ANKRD45: variants seen among roughly 807,000 people sequenced by gnomAD.
The protein encoded by ANKRD45 is ankyrin repeat domain 45.
A neutral mutation model predicts 28.1 loss-of-function variants in ANKRD45; 21 were observed. The observed-to-expected ratio is 0.75, with a 90% CI of 0.53 to 1.08. The LOEUF (loss-of-function observed/expected upper bound fraction) is 1.08. ANKRD45 is among the 50% of genes least tolerant of loss of function. The probability of loss-of-function intolerance (pLI) is 0.00; values close to 1 mark genes in which losing one functional copy is unlikely to be tolerated. For missense variants in ANKRD45, 261 were observed against 308.7 expected, an observed-to-expected ratio of 0.85 and a Z score of 1.16; for synonymous variants, 86 against 103.9, an observed-to-expected ratio of 0.83 and a Z score of 1.05.
chr1:173,684,240 C>T, the ANKRD45 span, among the ~76,000 whole-genome samples: 1 of 152,000 alleles, frequency 6.6e-6, no homozygotes, highest in Non-Finnish European at 1.5e-5. Flanking sequence ...AAGTAGAAGG[C>T]AAAGGATTGA....
intron 5 of ANKRD45, among the ~76,000 whole-genome samples, chr1:173,613,177 G>C (rs139862349): frequency 0.079 from 11,927 of 151,462 alleles, 707 homozygotes; most frequent in East Asian, 0.32. Flanking sequence ...CATCGTCTGA[G>C]ATGCGGGGAG....
chr1:173,621,623 T>C (rs550397262), intron 5 of ANKRD45, among the ~76,000 whole-genome samples: 343 of 152,154 alleles, frequency 2.3e-3, no homozygotes, highest in Middle Eastern at 3.4e-3. Context: ...ATGTTAAAAA[T>C]TCTCAATAAA....
At chr1:173,638,477 C>T (rs928087805) in intron 3 of ANKRD45, among the ~76,000 whole-genome samples, 7 of 151,798 alleles carry the variant, frequency 4.6e-5, no homozygotes, top group African/African-American at 1.2e-4. Flanking sequence ...AGCCCCCTGC[C>T]GCTGCCATAT....
At chr1:173,677,916 A>G in the ANKRD45 span, among the ~76,000 whole-genome samples, 1 of 152,218 alleles carries the variant, frequency 6.6e-6, no homozygotes, top group East Asian at 1.9e-4. Context: ...AGTGTACAGG[A>G]TATTATGTTG....
chr1:173,694,355 G>A, the ANKRD45 span, among the ~76,000 whole-genome samples: 1 of 151,876 alleles, frequency 6.6e-6, no homozygotes, highest in African/African-American at 2.4e-5. Context: ...AGTAGAGACA[G>A]GGTTTCACCA....
intron 1 of ANKRD45, among the ~76,000 whole-genome samples, chr1:173,667,990 ATT>A (rs1309572241): frequency 6.6e-6 from 1 of 152,204 alleles, no homozygotes; most frequent in African/African-American, 2.4e-5. Context: ...TCTGGAAAAT[ATT>A]TTTATGAGAA....
chr1:173,648,256 T>C (rs1669025588), intron 2 of ANKRD45, among the ~76,000 whole-genome samples: 1 of 152,028 alleles, frequency 6.6e-6, no homozygotes, highest in African/African-American at 2.4e-5. Flanking sequence ...TTTAAATATT[T>C]TGCAGAGACA....
chr1:173,641,319 C>G (rs968486829), intron 3 of ANKRD45, among the ~76,000 whole-genome samples: 1 of 152,196 alleles, frequency 6.6e-6, no homozygotes, highest in Admixed American at 6.5e-5. Context: ...CCTCGTTGAC[C>G]AAGCATGGAC....
chr1:173,667,679 C>T (rs966617895), intron 1 of ANKRD45: 9 of 417,952 alleles, frequency 2.2e-5, no homozygotes, highest in African/African-American at 6.4e-5. Flanking sequence ...GCACTCCAGC[C>T]TGGCACAACA....
the ANKRD45 span, among the ~76,000 whole-genome samples, chr1:173,701,980 G>A: frequency 8.5e-5 from 13 of 152,112 alleles, no homozygotes; most frequent in Admixed American, 7.9e-4. Flanking sequence ...CAAAGGAGTG[G>A]TAATGGCATT....
At chr1:173,676,157 C>A in the ANKRD45 span, among the ~76,000 whole-genome samples, 2 of 152,160 alleles carry the variant, frequency 1.3e-5, no homozygotes, top group Non-Finnish European at 2.9e-5. Context: ...TGAAAGCACA[C>A]CATTTTAGTC....
At position 173,633,395 on chromosome 1, in the gene ANKRD45, A is replaced by G. The variant is rs146930629; in HGVS notation, c.497-6236T>C. On this transcript the variant is annotated intron_variant, in intron 3 of 5. Coordinates refer to ENST00000333279, the MANE Select transcript of ANKRD45 (RefSeq NM_198493.3). ...CCATGTTCATAGATTGGAAGAATCAATATTGTTAAAATGCTCATACTACCC... is the reference window on the plus strand; with the variant it reads ...CCATGTTCATAGATTGGAAGAATCAGTATTGTTAAAATGCTCATACTACCC... 2.6e-4 allele frequency among the ~76,000 whole-genome samples: 39 copies of G among 152,244 alleles called. No individual in the cohort carries two copies. In the East Asian group the frequency reaches 7.5e-3, roughly 29 times the overall value.
intron 5 of ANKRD45, among the ~76,000 whole-genome samples, chr1:173,619,482 T>A (rs1028966852): frequency 8.6e-5 from 13 of 151,904 alleles, no homozygotes; most frequent in African/African-American, 2.7e-4. Flanking sequence ...AAAGCAGGGA[T>A]CACAGTCCTA....
At chr1:173,709,032 A>G in the ANKRD45 span, among the ~76,000 whole-genome samples, 4 of 152,166 alleles carry the variant, frequency 2.6e-5, no homozygotes, top group Non-Finnish European at 5.9e-5. Flanking sequence ...TTTCCAAAAT[A>G]CTTTCTAATT....
chr1:173,638,520 A>AG (rs1007101671), intron 3 of ANKRD45, among the ~76,000 whole-genome samples: 66 of 151,770 alleles, frequency 4.3e-4, no homozygotes, highest in African/African-American at 1.5e-3. Context: ...GCAAGGAGCA[A>AG]GGGGGGTTGA....
intron 2 of ANKRD45, among the ~76,000 whole-genome samples, chr1:173,652,600 G>A (rs764558725): frequency 6.6e-6 from 1 of 152,144 alleles, no homozygotes; most frequent in Non-Finnish European, 1.5e-5. Context: ...TCAGGATGAC[G>A]CTGACATCAT....
At chr1:173,692,620 CTG>C in the ANKRD45 span, among the ~76,000 whole-genome samples, 1 of 152,158 alleles carries the variant, frequency 6.6e-6, no homozygotes, top group Non-Finnish European at 1.5e-5. Context: ...AATCAGAAGG[CTG>C]TGTTTCTGAG....
chr1:173,657,558 C>T (rs1315155064), intron 2 of ANKRD45: 1 of 150,744 alleles, frequency 6.6e-6, no homozygotes, highest in African/African-American at 2.4e-5. Context: ...TTTCAGTGAA[C>T]CCAATTTTGG....
chr1:173,666,967 C>A (rs991857238), intron 1 of ANKRD45, among the ~76,000 whole-genome samples: 2 of 152,106 alleles, frequency 1.3e-5, no homozygotes, highest in Admixed American at 6.6e-5. Context: ...GTTGCCCATG[C>A]TGGTCTCAAC....
Sources: gnomAD v4.1 joint callset for allele counts (sites outside exome capture counted in the v4.1 genomes callset) on GRCh38, gnomAD v4.1.1 for gene constraint, MANE v1.5 for transcripts, NCBI Gene and HGNC (gene_info 2026-07-23, HGNC 2026-07-21) for gene names.